The following DPP9 variants were observed in gnomAD, a reference collection of about 807,000 sequenced individuals.
DPP9 encodes the protein dipeptidyl peptidase IV-related protein-2.
DPP9 carries 50 observed loss-of-function variants against 110.7 expected under a neutral mutation model. The observed-to-expected ratio is 0.45, with a 90% CI of 0.36 to 0.57. DPP9 has a LOEUF of 0.57. Among genes scored for constraint, DPP9 ranks in the 20% least tolerant of loss-of-function variants. The pLI, the probability that DPP9 is intolerant of heterozygous loss-of-function variation, is 0.00. For missense variants in DPP9, 1,022 were observed against 1,217.9 expected (o/e 0.84, Z 2.39); for synonymous variants, 561 against 514.4 (o/e 1.09, Z -1.23).
At position 4,685,877 on chromosome 19, in the gene DPP9, C is replaced by A. The variant is rs1004144722; in HGVS notation, c.1886-106G>T. The A allele has an allele frequency of 1.5e-6, 2 of 1,326,574 alleles. No homozygotes were observed. The highest frequency in any genetic ancestry group is 2.9e-5 in the African/African-American group (2 of 67,968). 82.2% of individuals were successfully genotyped at this position (1,326,574 alleles called of 1,614,324 possible). A position where few individuals can be genotyped will look rare whatever the true frequency, so the allele number is the denominator to read the frequency against. ...CCTTGGAGGGTGGACCAAAGCACCC[C>A]CTCTTTTCCTGGGCTTCCCGAGAGT... On this transcript the variant is annotated intron_variant, in intron 16 of 21. Coordinates refer to ENST00000262960, the MANE Select transcript of DPP9 (RefSeq NM_139159.5). This position sits in a 1 kb window ranked among gnomAD's most constrained non-coding sequence, Gnocchi z 5.8.
intron 11 of DPP9, among the ~76,000 whole-genome samples, chr19:4,696,399 C>T (rs918332578): frequency 6.7e-6 from 1 of 150,134 alleles, no homozygotes; most frequent in Non-Finnish European, 1.5e-5. Flanking sequence ...GTGGGCGGGT[C>T]GCTTGAGCCC....
At chr19:4,697,113 G>C (rs1383582301) in intron 11 of DPP9, among the ~76,000 whole-genome samples, 1 of 151,708 alleles carries the variant, frequency 6.6e-6, no homozygotes, top group Non-Finnish European at 1.5e-5. Context: ...AAAAAAAACA[G>C]GCAGAGGCTG....
chr19:4,716,412 A>AG (rs2093076865), intron 3 of DPP9, among the ~76,000 whole-genome samples: 1 of 152,114 alleles, frequency 6.6e-6, no homozygotes, highest in Admixed American at 6.6e-5. Flanking sequence ...CCAAGGCAGG[A>AG]GGATCATGAG....
In DPP9 at chr19:4,683,714, G is replaced by A. The variant is rs59198550; in HGVS notation, c.2179-85C>T. ...GTGACACCTCTGCTCCTTTCAGGGCGTCTCTCCCTCTTGGATGAAAAGTGG... is the reference window on the plus strand; with the variant it reads ...GTGACACCTCTGCTCCTTTCAGGGCATCTCTCCCTCTTGGATGAAAAGTGG... On this transcript the variant is annotated intron_variant, in intron 18 of 21. Coordinates refer to ENST00000262960, the MANE Select transcript of DPP9 (RefSeq NM_139159.5). The A allele has an allele frequency of 2.0e-3, 3,180 of 1,611,796 alleles. 32 individuals are homozygous for A. The African/African-American group carries it at 0.03, about 15-fold the overall frequency.
intron 20 of DPP9, among the ~76,000 whole-genome samples, chr19:4,681,414 C>T (rs1471552112): frequency 6.6e-6 from 1 of 152,066 alleles, no homozygotes. Context: ...CTTCCAGGTT[C>T]AAGCAATTCT....
rs1424668475 is a variant in DPP9 at position 4,693,374 on chromosome 19, G to T, written c.1516+1287C>A. 2.0e-5 allele frequency among the ~76,000 whole-genome samples: 3 copies of T among 152,066 alleles called. No homozygotes were observed. Among genetic ancestry groups the T allele is most frequent in the Non-Finnish European group, 2.9e-5 (2 of 68,006 alleles). ...ACCTGCAATCCCACCAGGAGTCTCG[G>T]TTCCCTGAGCTCCAGGCACGGGAAC... On this transcript the variant is annotated intron_variant, in intron 13 of 21. Transcript: ENST00000262960. The surrounding 1 kb of genome is among the most constrained non-coding windows in gnomAD (Gnocchi z 5.0).
Position 4,682,599 on chromosome 19 carries a change from G to A in DPP9, c.2474+97C>T. Reference sequence around the variant, plus strand: ...ACATGGCCTGAGGCTCCCTGGGCAGGGCCAGCTGGGGCAGGAGGGCACCCT... The same window carrying A: ...ACATGGCCTGAGGCTCCCTGGGCAGAGCCAGCTGGGGCAGGAGGGCACCCT... On this transcript the variant is annotated intron_variant, in intron 20 of 21. Coordinates refer to ENST00000262960, the MANE Select transcript of DPP9 (RefSeq NM_139159.5). This position sits in a 1 kb window ranked among gnomAD's most constrained non-coding sequence, Gnocchi z 7.1. 1 of 1,515,216 alleles carries A rather than the reference G, an allele frequency of 6.6e-7. No individual in the cohort carries two copies. The allele number at this position is 1,515,216 out of a possible 1,614,324, so 93.9% of individuals were successfully genotyped here.
chr19:4,683,851 C>A, intron 18 of DPP9: 2 of 1,526,016 alleles, frequency 1.3e-6, no homozygotes, highest in Non-Finnish European at 1.8e-6. Context: ...GTGAGTGGCT[C>A]TGGGAGCCAC....
Position 4,694,138 on chromosome 19 carries a change from G to A in DPP9, c.1516+523C>T, listed in dbSNP as rs561695390. Among the ~76,000 whole-genome samples the A allele has an allele frequency of 3.9e-5, 6 of 152,344 alleles. No homozygotes were observed. Among genetic ancestry groups the A allele is most frequent in the African/African-American group, 1.2e-4 (5 of 41,574 alleles). ...CCTCCTCCACTAGAAGGTCCCAAGAGCAGGGATTTTCCTTTTTCTTTATTT... is the reference window on the plus strand; with the variant it reads ...CCTCCTCCACTAGAAGGTCCCAAGAACAGGGATTTTCCTTTTTCTTTATTT... On this transcript the variant is annotated intron_variant, in intron 13 of 21. Coordinates refer to ENST00000262960, the MANE Select transcript of DPP9 (RefSeq NM_139159.5). This position sits in a 1 kb window ranked among gnomAD's most constrained non-coding sequence, Gnocchi z 4.0.
At chr19:4,690,825 G>T in intron 14 of DPP9, 53 bp downstream of exon 14, 1 of 1,405,420 alleles carries the variant, frequency 7.1e-7, no homozygotes, top group Non-Finnish European at 1.0e-6. Context: ...GAGTGTATGT[G>T]TGTAAAACAC....
At position 4,720,000 on chromosome 19, in the gene DPP9, C is replaced by T. The variant is rs1168778279; in HGVS notation, c.-35-59G>A. 3.4e-5 allele frequency: 48 copies of T among 1,422,572 alleles called. 1 individual carries two copies. Among genetic ancestry groups the T allele is most frequent in the African/African-American group, 7.8e-5 (5 of 64,340 alleles). The allele number at this position is 1,422,572 out of a possible 1,614,324, so 88.1% of individuals were successfully genotyped here. A position where few individuals can be genotyped will look rare whatever the true frequency, so the allele number is the denominator to read the frequency against. ...GCAACCCCAGCAGGTGGGGAGTGGG[C>T]GCTCCTGCCCCCTTCGCCCCCTCCT... On this transcript the variant is annotated intron_variant, in intron 2 of 21. Coordinates refer to ENST00000262960, the MANE Select transcript of DPP9 (RefSeq NM_139159.5).
At position 4,710,164 on chromosome 19, in the gene DPP9, G is replaced by C. The variant is rs574812023; in HGVS notation, c.313+3917C>G. Among the ~76,000 whole-genome samples, 5 of 152,202 alleles carry C rather than the reference G, an allele frequency of 3.3e-5. No homozygotes were observed. The highest frequency in any genetic ancestry group is 1.2e-4 in the African/African-American group (5 of 41,462). Reference sequence around the variant, plus strand: ...CCAACCTGTCACCCACCCATGCCCCGGTGACCCAGGCCTGCGCAAACACCA... The same window carrying C: ...CCAACCTGTCACCCACCCATGCCCCCGTGACCCAGGCCTGCGCAAACACCA... On this transcript the variant is annotated intron_variant, in intron 4 of 21. Transcript: ENST00000262960. This position sits in a 1 kb window ranked among gnomAD's most constrained non-coding sequence, Gnocchi z 5.6.
At position 4,694,576 on chromosome 19, in the gene DPP9, G is replaced by T. The variant is rs768560040; in HGVS notation, c.1516+85C>A. On this transcript the variant is annotated intron_variant, in intron 13 of 21. Coordinates refer to ENST00000262960, the MANE Select transcript of DPP9 (RefSeq NM_139159.5). The surrounding 1 kb of genome is among the most constrained non-coding windows in gnomAD (Gnocchi z 4.0). ...TCCCGCAGGGTGTGCTGGCTGAGTG[G>T]GGGGGCCGACCAATGAACAAACAGC... is the stretch of plus-strand genomic sequence containing the variant. 9.4e-6 allele frequency: 14 copies of T among 1,486,872 alleles called. 1 individual carries two copies. The South Asian group carries it at 1.7e-4, about 19-fold the overall frequency. The allele number at this position is 1,486,872 out of a possible 1,614,324, so 92.1% of individuals were successfully genotyped here.
chr19:4,687,263 T>C lies in DPP9; in HGVS notation c.1886-1492A>G, dbSNP rs961561961. 6.6e-5 allele frequency among the ~76,000 whole-genome samples: 10 copies of C among 152,132 alleles called. No homozygotes were observed. The highest frequency in any genetic ancestry group is 1.2e-4 in the Non-Finnish European group (8 of 68,022). On this transcript the variant is annotated intron_variant, in intron 16 of 21. Transcript: ENST00000262960. This position sits in a 1 kb window ranked among gnomAD's most constrained non-coding sequence, Gnocchi z 4.7. The stretch of plus-strand genomic sequence containing the variant: ...AGCCCACGGAATACCCCGCATATGC[T>C]GGAAATTCGTTGTGTTTAGAATGTT...
rs1345934141 is a variant in DPP9 at position 4,704,299 on chromosome 19, C to T, written c.432G>A (p.Thr144=). The T allele has an allele frequency of 5.6e-6, 9 of 1,612,084 alleles. No homozygotes were observed. The highest frequency in any genetic ancestry group is 4.5e-5 in the East Asian group (2 of 44,894). ...WKQMLDHFQA[T]PHHGVYSREE... ...CCCGAGAGTAGACCCCATGGTGGGG[C>T]GTGGCCTGGAAACATACAGGGGACA... Residue 144 remains threonine, a synonymous_variant, in exon 6 of 22, where the codon ACG becomes ACA. Coordinates refer to ENST00000262960, the MANE Select transcript of DPP9 (RefSeq NM_139159.5). The surrounding 1 kb of genome is among the most constrained non-coding windows in gnomAD (Gnocchi z 6.0).
Position 4,714,317 on chromosome 19 carries a change from C to A in DPP9, c.77G>T (p.Gly26Val). Residue 26 changes from glycine to valine, a missense_variant, in exon 4 of 22, where the codon GGG becomes GTG. Coordinates refer to ENST00000262960, the MANE Select transcript of DPP9 (RefSeq NM_139159.5). ...SWRSFSLNSEGAERMATTGTP... is the reference protein window; with the variant it reads ...SWRSFSLNSEVAERMATTGTP... ...CCCGGTGGTGGCCATCCTCTCAGCC[C>A]CCTCGGAATTCAGCGAGAAGCTGCG... 1.3e-6 allele frequency: 2 copies of A among 1,513,408 alleles called. No individual in the cohort carries two copies. The highest frequency in any genetic ancestry group is 1.8e-6 in the Non-Finnish European group (2 of 1,133,158). The allele number at this position is 1,513,408 out of a possible 1,614,324, so 93.7% of individuals were successfully genotyped here.
rs11451501 is a variant in DPP9, at chr19:4,703,470, C to CAAA, written c.769+413_769+415dup. Among the ~76,000 whole-genome samples the CAAA allele has an allele frequency of 2.7e-3, 343 of 128,456 alleles. 1 individual carries two copies. Among genetic ancestry groups the CAAA allele is most frequent in the African/African-American group, 9.4e-3 (334 of 35,702 alleles). 84.3% of individuals were successfully genotyped at this position (128,456 alleles called of 152,430 possible). A position where few individuals can be genotyped will look rare whatever the true frequency, so the allele number is the denominator to read the frequency against. On this transcript the variant is annotated intron_variant, in intron 7 of 21. Coordinates refer to ENST00000262960, the MANE Select transcript of DPP9 (RefSeq NM_139159.5). ...GGAAACCTCGTCACAACTAAAAATA[C>CAAA]AAAAAAAAAAAAAAAATTAGCCAGG... is the stretch of plus-strand genomic sequence containing the variant.
chr19:4,697,097 T>C (rs1239239882), intron 11 of DPP9, among the ~76,000 whole-genome samples: 1 of 149,064 alleles, frequency 6.7e-6, no homozygotes, highest in Non-Finnish European at 1.5e-5. Context: ...AGACTCCATC[T>C]CAAAAAAAAA....
rs773592611 is a variant in DPP9, at chr19:4,702,720, G to C, written c.770-4C>G. 4 of 1,574,482 alleles carry C rather than the reference G, an allele frequency of 2.5e-6. No individual in the cohort carries two copies. In the Admixed American group the frequency reaches 5.4e-5, roughly 21 times the overall value. On this transcript the variant is annotated splice_polypyrimidine_tract_variant and splice_region_variant and intron_variant, in intron 7 of 21. Coordinates refer to ENST00000262960, the MANE Select transcript of DPP9 (RefSeq NM_139159.5). ...TCATCCAGGACATTGGATAAACCTAGGGGGAGGGACGGAGAGCATCAACAA... is the reference window on the plus strand; with the variant it reads ...TCATCCAGGACATTGGATAAACCTACGGGGAGGGACGGAGAGCATCAACAA...
Sources: gnomAD v4.1 joint callset for allele counts (sites outside exome capture counted in the v4.1 genomes callset) on GRCh38, gnomAD v4.1.1 for gene constraint, Gnocchi (gnomAD v3.1) non-coding constraint, MANE v1.5 for transcripts, NCBI Gene and HGNC (gene_info 2026-07-23, HGNC 2026-07-21) for gene names.